The following NDST4 variants were observed in gnomAD, a reference collection of about 807,000 sequenced individuals.
NDST4 encodes the protein N-heparan sulfate sulfotransferase 4.
Under a neutral mutation model 100.8 loss-of-function variants are expected in NDST4, and 63 were observed. The observed-to-expected ratio is 0.62, with a 90% confidence interval of 0.51 to 0.77. NDST4 has a LOEUF of 0.77. Ranked by LOEUF, NDST4 falls within the 30% of genes least tolerant of loss-of-function variation. The pLI, the probability that NDST4 is intolerant of heterozygous loss-of-function variation, is 0.00. For synonymous variants in NDST4, 377 were observed against 361.8 expected, an observed-to-expected ratio of 1.04 and a Z score of -0.48; for missense variants, 943 against 1,018.4, an observed-to-expected ratio of 0.93 and a Z score of 1.01.
At chr4:114,911,215 C>T (rs994841968) in intron 6 of NDST4, among the ~76,000 whole-genome samples, 3 of 150,208 alleles carry the variant, frequency 2.0e-5, no homozygotes, top group African/African-American at 7.3e-5. Context: ...TGATTCTTTG[C>T]TGATTTTATT....
rs182123811 is a variant in NDST4, at chr4:115,083,680, G to A, written c.-246-6398C>T. Reference sequence around the variant, plus strand: ...CCTGTTGGGAGGTAATTGAATCATCGTGGTGGTTATCTCCATGCTGTTCTT... The same window carrying A: ...CCTGTTGGGAGGTAATTGAATCATCATGGTGGTTATCTCCATGCTGTTCTT... On this transcript the variant is annotated intron_variant, in intron 1 of 13. Coordinates refer to ENST00000264363, the MANE Select transcript of NDST4 (RefSeq NM_022569.3). Among the ~76,000 whole-genome samples the A allele has an allele frequency of 2.6e-3, 402 of 152,068 alleles. 2 individuals carry two copies. Among genetic ancestry groups the A allele is most frequent in the Middle Eastern group, 6.8e-3 (2 of 292 alleles).
intron 1 of NDST4, among the ~76,000 whole-genome samples, chr4:115,111,139 A>G (rs1729943882): frequency 6.6e-6 from 1 of 151,980 alleles, no homozygotes; most frequent in Admixed American, 6.6e-5. Context: ...GCCCCCTTTC[A>G]ACTCAAACAG....
intron 4 of NDST4, among the ~76,000 whole-genome samples, chr4:114,944,611 C>T (rs1358563724): frequency 1.3e-5 from 2 of 152,174 alleles, no homozygotes; most frequent in Non-Finnish European, 1.5e-5. Flanking sequence ...CCTAGGAACA[C>T]AGATTAACAC....
chr4:114,931,662 A>G, intron 6 of NDST4, among the ~76,000 whole-genome samples: 1 of 151,916 alleles, frequency 6.6e-6, no homozygotes, highest in East Asian at 1.9e-4. Flanking sequence ...AAGAGGAGAT[A>G]GACAACTAAT....
intron 10 of NDST4, 139 bp downstream of exon 10, chr4:114,845,684 T>G: frequency 1.5e-6 from 1 of 663,562 alleles, no homozygotes. Context: ...ATATTTCTCA[T>G]ATTTTTTGGT....
intron 6 of NDST4, among the ~76,000 whole-genome samples, chr4:114,922,151 A>G (rs1435168863): frequency 3.3e-5 from 5 of 152,152 alleles, no homozygotes; most frequent in African/African-American, 1.2e-4. Context: ...GTGCCAGGGA[A>G]AGGCAGTCTC....
intron 11 of NDST4, among the ~76,000 whole-genome samples, chr4:114,835,077 T>C (rs1723281405): frequency 6.6e-6 from 1 of 152,180 alleles, no homozygotes; most frequent in Admixed American, 6.5e-5. Flanking sequence ...CTTGGATTCA[T>C]GGATTTTTTG....
chr4:114,848,276 G>T lies in NDST4; in HGVS notation c.1879C>A (p.Pro627Thr). The part of the protein sequence containing the change: ...HPSIISNLPS[P>T]KTFEEVQFFN... ...AACTGAACTTCCTCAAATGTCTTTGGACTAGGGAGATTGCTGATGATTGAA... is the reference window on the plus strand; with the variant it reads ...AACTGAACTTCCTCAAATGTCTTTGTACTAGGGAGATTGCTGATGATTGAA... The change falls in exon 9 of 14, where the codon CCA becomes ACA. Residue 627 changes from proline (P) to threonine (T), a missense_variant. Physicochemically the swap from Pro to Thr is conservative, Grantham distance 38. Transcript: ENST00000264363. The T allele has an allele frequency of 6.2e-7, 1 of 1,609,588 alleles. No individual in the cohort carries two copies. The highest frequency in any genetic ancestry group is 8.5e-7 in the Non-Finnish European group (1 of 1,177,174).
intron 6 of NDST4, among the ~76,000 whole-genome samples, chr4:114,933,432 C>CTTTTTTTTTTTTTT (rs367931653): frequency 1.1e-5 from 1 of 89,278 alleles, no homozygotes; most frequent in Non-Finnish European, 2.1e-5. Context: ...TTTTCTTTTC[C>CTTTTTTTTTTTTTT]TTTTTTTTTT....
At chr4:114,840,916 C>T (rs1723410374) in intron 10 of NDST4, among the ~76,000 whole-genome samples, 1 of 152,026 alleles carries the variant, frequency 6.6e-6, no homozygotes, top group African/African-American at 2.4e-5. Flanking sequence ...TTTTGAAGTT[C>T]TCTTGTTGTT....
intron 2 of NDST4, among the ~76,000 whole-genome samples, chr4:114,985,617 A>C (rs910057713): frequency 5.9e-5 from 9 of 152,310 alleles, no homozygotes; most frequent in Non-Finnish European, 1.0e-4. Flanking sequence ...GATAAACAAA[A>C]CTGGTAAGTT....
In NDST4 at chr4:115,089,685, A is replaced by T. The variant is rs1209157718; in HGVS notation, c.-246-12403T>A. On this transcript the variant is annotated intron_variant, in intron 1 of 13. Coordinates refer to ENST00000264363, the MANE Select transcript of NDST4 (RefSeq NM_022569.3). The stretch of plus-strand genomic sequence containing the variant: ...TTTCCTTCAAGCATAACCCAATACT[A>T]AATTAGACACACAGTAGATTAGTAA... Among the ~76,000 whole-genome samples, 12 of 152,066 alleles carry T rather than the reference A, an allele frequency of 7.9e-5. No individual in the cohort carries two copies. The South Asian group carries it at 2.3e-3, about 29-fold the overall frequency.
intron 1 of NDST4, among the ~76,000 whole-genome samples, chr4:115,109,506 A>C (rs1337089640): frequency 6.6e-6 from 1 of 151,966 alleles, no homozygotes; most frequent in Non-Finnish European, 1.5e-5. Context: ...ATAATTTCTA[A>C]ACAGAGTACA....
intron 2 of NDST4, among the ~76,000 whole-genome samples, chr4:115,055,428 G>T (rs1431942065): frequency 6.6e-6 from 1 of 151,984 alleles, no homozygotes; most frequent in Non-Finnish European, 1.5e-5. Flanking sequence ...TTATTCCATT[G>T]TTAGGTTGCT....
At chr4:115,024,554 T>G (rs1727938407) in intron 2 of NDST4, among the ~76,000 whole-genome samples, 1 of 152,152 alleles carries the variant, frequency 6.6e-6, no homozygotes, top group Non-Finnish European at 1.5e-5. Context: ...CACCATTGTA[T>G]TTTGGAAGTA....
At chr4:114,932,452 CCCT>C (rs1725535197) in intron 6 of NDST4, among the ~76,000 whole-genome samples, 1 of 151,832 alleles carries the variant, frequency 6.6e-6, no homozygotes, top group Non-Finnish European at 1.5e-5. Context: ...AGGATGTTCA[CCCT>C]AACTGCTTCT....
rs767326863 is a variant in NDST4 at position 115,076,609 on chromosome 4, T to C, written c.428A>G (p.Asp143Gly). Residue 143 changes from aspartate to glycine, a missense_variant, in exon 2 of 14, where the codon GAC becomes GGC. By Grantham distance (94) the Asp-to-Gly change is moderately conservative (BLOSUM62 -1). This residue lies in a region of NDST4 where 417 missense variants were observed against 384.2 expected (regional missense o/e 1.09). Transcript: ENST00000264363. ...TTCTAAAAGCTCTCGATTCCATGAGTCCATGCTGACATACTTCAGAATATT... is the reference window on the plus strand; with the variant it reads ...TTCTAAAAGCTCTCGATTCCATGAGCCCATGCTGACATACTTCAGAATATT... ...YENILKYVSM[D>G]SWNRELLEKY... The C allele has an allele frequency of 1.1e-5, 17 of 1,613,884 alleles. No homozygotes were observed. The Admixed American group carries it at 2.8e-4, about 27-fold the overall frequency.
chr4:114,859,700 A>G (rs749902625), intron 7 of NDST4, among the ~76,000 whole-genome samples: 9 of 152,176 alleles, frequency 5.9e-5, no homozygotes, highest in Non-Finnish European at 8.8e-5. Context: ...CCTCCAGTGG[A>G]TGCAGGGGTA....
chr4:114,846,304 C>A (rs576674189), intron 9 of NDST4, among the ~76,000 whole-genome samples: 51 of 152,240 alleles, frequency 3.3e-4, no homozygotes, highest in African/African-American at 1.2e-3. Flanking sequence ...TCCAGAAATA[C>A]TATTTGCCTG....
Sources: allele counts gnomAD v4.1 joint callset (sites outside exome capture counted in the v4.1 genomes callset), GRCh38; gene constraint gnomAD v4.1.1; regional missense constraint gnomAD v4.1.1; transcripts MANE v1.5; gene names NCBI Gene and HGNC (gene_info 2026-07-23, HGNC 2026-07-21).